Variants in ADAMTS3 observed in about 807,000 individuals in gnomAD.
ADAMTS3 encodes the protein ADAM metallopeptidase with thrombospondin type 1 motif 3, also known as A disintegrin and metalloproteinase with thrombospondin motifs 3.
ADAMTS3 carries 73 observed loss-of-function variants against 129.0 expected under a neutral mutation model. That is an observed-to-expected ratio of 0.57 (90% CI 0.47 to 0.69). The LOEUF (loss-of-function observed/expected upper bound fraction) is 0.69. Among genes scored for constraint, ADAMTS3 ranks in the 30% least tolerant of loss-of-function variants. The pLI, the probability that ADAMTS3 is intolerant of heterozygous loss-of-function variation, is 0.00. For missense variants in ADAMTS3, 1,457 were observed against 1,514.5 expected, an observed-to-expected ratio of 0.96 and a Z score of 0.63; for synonymous variants, 477 against 510.8, an observed-to-expected ratio of 0.93 and a Z score of 0.89.
At chr4:72,475,737 G>A (rs1399097777) in intron 3 of ADAMTS3, among the ~76,000 whole-genome samples, 2 of 151,338 alleles carry the variant, frequency 1.3e-5, no homozygotes, top group African/African-American at 2.4e-5. Flanking sequence ...TATACCAAGA[G>A]AGAATATATC....
intron 12 of ADAMTS3, among the ~76,000 whole-genome samples, 156 bp downstream of exon 12, chr4:72,313,521 A>G (rs1310736548): frequency 6.6e-6 from 1 of 152,196 alleles, no homozygotes; most frequent in African/African-American, 2.4e-5. Context: ...ATAAATGGAG[A>G]TGTATCAAAA....
At chr4:72,511,227 C>T (rs1257389183) in intron 3 of ADAMTS3, among the ~76,000 whole-genome samples, 1 of 152,078 alleles carries the variant, frequency 6.6e-6, no homozygotes, top group Non-Finnish European at 1.5e-5. Flanking sequence ...ACAAAAAATT[C>T]TTGATCAATA....
intron 4 of ADAMTS3, among the ~76,000 whole-genome samples, chr4:72,340,937 C>T (rs892025862): frequency 1.3e-5 from 2 of 152,084 alleles, no homozygotes; most frequent in South Asian, 4.2e-4. Flanking sequence ...CTAAAACAAC[C>T]GTATATGTAA....
chr4:72,512,013 A>G (rs1026566486), intron 3 of ADAMTS3, among the ~76,000 whole-genome samples: 2 of 152,238 alleles, frequency 1.3e-5, no homozygotes, highest in South Asian at 4.1e-4. Context: ...AGCCAGGAAC[A>G]GAAAGACAAA....
intron 3 of ADAMTS3, among the ~76,000 whole-genome samples, chr4:72,425,600 T>G (rs997146458): frequency 1.3e-5 from 2 of 152,206 alleles, no homozygotes; most frequent in African/African-American, 4.8e-5. Flanking sequence ...TTTTTTGTCT[T>G]TGCAATAGTT....
At chr4:72,536,556 A>T (rs1721190155) in intron 3 of ADAMTS3, among the ~76,000 whole-genome samples, 1 of 152,244 alleles carries the variant, frequency 6.6e-6, no homozygotes, top group Non-Finnish European at 1.5e-5. Flanking sequence ...TGTGTGGAAG[A>T]TGCATTAATG....
chr4:72,438,647 ATGAGAG>A (rs1423708845), intron 3 of ADAMTS3, among the ~76,000 whole-genome samples: 1 of 151,766 alleles, frequency 6.6e-6, no homozygotes, highest in Non-Finnish European at 1.5e-5. Flanking sequence ...TTGAGTGAGT[ATGAGAG>A]TGAAACAAAC....
chr4:72,344,818 G>A (rs1720237767), intron 4 of ADAMTS3, among the ~76,000 whole-genome samples: 1 of 152,086 alleles, frequency 6.6e-6, no homozygotes, highest in African/African-American at 2.4e-5. Context: ...CACTTTAAAG[G>A]AGTGTGACTC....
At chr4:72,370,819 G>A (rs1351032537) in intron 4 of ADAMTS3, among the ~76,000 whole-genome samples, 3 of 151,992 alleles carry the variant, frequency 2.0e-5, no homozygotes, top group African/African-American at 2.4e-5. Context: ...AATATATCAC[G>A]AATTATTATT....
chr4:72,437,886 C>G (rs76275688), intron 3 of ADAMTS3, among the ~76,000 whole-genome samples: 54 of 151,764 alleles, frequency 3.6e-4, no homozygotes, highest in African/African-American at 1.3e-3. Context: ...GGAAAAAATA[C>G]ACGCAGTTTT....
chr4:72,516,390 G>T (rs1008237380), intron 3 of ADAMTS3, among the ~76,000 whole-genome samples: 34 of 152,136 alleles, frequency 2.2e-4, no homozygotes. Flanking sequence ...TTGGTAACTT[G>T]ATGGGGATGG....
chr4:72,296,051 T>C (rs1718798508), intron 18 of ADAMTS3, among the ~76,000 whole-genome samples: 1 of 151,902 alleles, frequency 6.6e-6, no homozygotes, highest in Non-Finnish European at 1.5e-5. Context: ...CAGTCTAGCA[T>C]GAGAGGTAGA....
At chr4:72,450,082 G>A (rs914131945) in intron 3 of ADAMTS3, among the ~76,000 whole-genome samples, 9 of 151,468 alleles carry the variant, frequency 5.9e-5, no homozygotes, top group African/African-American at 1.7e-4. Context: ...CTAGAACAGT[G>A]CCAAACATAA....
At chr4:72,287,614 A>G (rs1010460225) in intron 21 of ADAMTS3, among the ~76,000 whole-genome samples, 2 of 152,080 alleles carry the variant, frequency 1.3e-5, no homozygotes, top group Non-Finnish European at 2.9e-5. Flanking sequence ...GAAGGACAGC[A>G]AGAAGAAAGA....
At chr4:72,567,167 G>A (rs1348157002) in intron 2 of ADAMTS3, among the ~76,000 whole-genome samples, 3 of 152,142 alleles carry the variant, frequency 2.0e-5, no homozygotes, top group Non-Finnish European at 4.4e-5. Context: ...CCAACTGCAG[G>A]AGAATTTTTA....
intron 16 of ADAMTS3, among the ~76,000 whole-genome samples, chr4:72,304,727 G>T (rs1719040380): frequency 6.6e-6 from 1 of 151,886 alleles, no homozygotes; most frequent in Admixed American, 6.6e-5. Flanking sequence ...AATAATGAAT[G>T]GGATTTTAAA....
chr4:72,284,523 T>C (rs1436308391), intron 21 of ADAMTS3, among the ~76,000 whole-genome samples: 1 of 152,210 alleles, frequency 6.6e-6, no homozygotes, highest in Non-Finnish European at 1.5e-5. Flanking sequence ...TTATTTGTTA[T>C]TTGAATGCAC....
At chr4:72,345,981 A>G (rs999391008) in intron 4 of ADAMTS3, among the ~76,000 whole-genome samples, 10 of 152,146 alleles carry the variant, frequency 6.6e-5, no homozygotes, top group African/African-American at 2.4e-4. Flanking sequence ...TCACGTAACA[A>G]GAGTTCCAGA....
intron 4 of ADAMTS3, among the ~76,000 whole-genome samples, chr4:72,405,204 G>T (rs1346839624): frequency 1.3e-5 from 2 of 152,006 alleles, no homozygotes; most frequent in Non-Finnish European, 2.9e-5. Flanking sequence ...ATATCCAAAA[G>T]AACTGAAATC....
Sources: allele counts gnomAD v4.1 joint callset (sites outside exome capture counted in the v4.1 genomes callset), GRCh38; gene constraint gnomAD v4.1.1; transcripts MANE v1.5; gene names NCBI Gene and HGNC (gene_info 2026-07-23, HGNC 2026-07-21).